MYO1H: variants seen among roughly 807,000 people sequenced by gnomAD.
MYO1H encodes the protein unconventional myosin-Ih.
In MYO1H, 118 loss-of-function variants were observed where a neutral mutation model predicts 149.3. The observed-to-expected ratio is 0.79, with a 90% CI of 0.68 to 0.92. The LOEUF is 0.92. MYO1H is among the 40% of genes least tolerant of loss of function. MYO1H has a pLI of 0.00. For synonymous variants in MYO1H, 447 were observed against 465.2 expected (o/e 0.96, Z 0.50); for missense variants, 1,212 against 1,280.7 (o/e 0.95, Z 0.82).
chr12:109,404,819 A>G (rs889402074), intron 7 of MYO1H, among the ~76,000 whole-genome samples: 16 of 151,014 alleles, frequency 1.1e-4, no homozygotes, highest in African/African-American at 3.6e-4. Flanking sequence ...TGTAGAATTT[A>G]TAAACAATTT....
intron 1 of MYO1H, among the ~76,000 whole-genome samples, chr12:109,381,959 A>G (rs541478235): frequency 6.6e-6 from 1 of 152,208 alleles, no homozygotes; most frequent in Non-Finnish European, 1.5e-5. Context: ...AAACTAGCAA[A>G]TCAAACATTT....
chr12:109,326,617 G>T, the MYO1H span, among the ~76,000 whole-genome samples: 1 of 151,820 alleles, frequency 6.6e-6, no homozygotes, highest in Admixed American at 6.6e-5. Flanking sequence ...CGCCTCCTGG[G>T]TTCAAGCAAT....
At chr12:109,327,038 A>T in the MYO1H span, among the ~76,000 whole-genome samples, 2 of 152,158 alleles carry the variant, frequency 1.3e-5, no homozygotes, top group Admixed American at 6.5e-5. Context: ...CTCATGGAGC[A>T]AGGAGGAGGA....
At chr12:109,373,721 G>GTA (rs1436027764) in intron 1 of MYO1H, among the ~76,000 whole-genome samples, 2 of 152,096 alleles carry the variant, frequency 1.3e-5, no homozygotes. Flanking sequence ...ACACAGAAGA[G>GTA]TATATATAAA....
At chr12:109,438,392 C>T in intron 22 of MYO1H, 144 bp from the exon 23 acceptor site, 1 of 684,136 alleles carries the variant, frequency 1.5e-6, no homozygotes, top group Non-Finnish European at 2.6e-6. Context: ...TGATGACATT[C>T]ATCCGACCTT....
chr12:109,441,787 C>A, intron 26 of MYO1H, 79 bp downstream of exon 26: 2 of 999,702 alleles, frequency 2.0e-6, no homozygotes, highest in Non-Finnish European at 1.5e-6. Flanking sequence ...TGGCTCATGC[C>A]CATAATCTCA....
intron 15 of MYO1H, among the ~76,000 whole-genome samples, chr12:109,416,107 T>C (rs1486212182): frequency 6.6e-6 from 1 of 152,042 alleles, no homozygotes; most frequent in Admixed American, 6.6e-5. Context: ...CACGACCAGC[T>C]AATTTTTTTG....
At chr12:109,345,729 C>G (rs1003179902), upstream of MYO1H, among the ~76,000 whole-genome samples, 1 of 152,050 alleles carries the variant, frequency 6.6e-6, no homozygotes, top group Non-Finnish European at 1.5e-5. Context: ...GATGGATAAA[C>G]AAAATGTGGT....
chr12:109,337,592 G>T, the MYO1H span, among the ~76,000 whole-genome samples: 5 of 152,262 alleles, frequency 3.3e-5, no homozygotes, highest in East Asian at 7.7e-4. Flanking sequence ...ATCAGATCTA[G>T]TGAGACTTAT....
At position 109,406,884 on chromosome 12, in the gene MYO1H, T is replaced by C. The variant is rs774270527; in HGVS notation, c.1035+24T>C. On this transcript the variant is annotated intron_variant, in intron 9 of 31. Transcript: ENST00000310903. ...AGGTAAAAATGGCTATAGGTGGAAA[T>C]GTGCCAGCCCTCCCTGCTGCTGCTG... 1.9e-6 allele frequency: 3 copies of C among 1,606,518 alleles called. No homozygotes were observed. The South Asian group carries it at 3.3e-5, about 18-fold the overall frequency.
At chr12:109,413,680 C>T (rs1057340265) in intron 14 of MYO1H, among the ~76,000 whole-genome samples, 2 of 152,124 alleles carry the variant, frequency 1.3e-5, no homozygotes, top group African/African-American at 2.4e-5. Context: ...GAGGCCGAGG[C>T]AGCTGGATCA....
At chr12:109,396,158 A>T (rs1869889522) in intron 3 of MYO1H, among the ~76,000 whole-genome samples, 2 of 151,960 alleles carry the variant, frequency 1.3e-5, no homozygotes, top group African/African-American at 4.8e-5. Flanking sequence ...CCTGACCTCA[A>T]GTGATCCACC....
At chr12:109,436,392 C>A in intron 21 of MYO1H, 96 bp from the exon 22 acceptor site, 1 of 798,302 alleles carries the variant, frequency 1.3e-6, no homozygotes, top group Non-Finnish European at 2.1e-6. Context: ...GACTTTGATG[C>A]CCCCTTCCAT....
intron 1 of MYO1H, among the ~76,000 whole-genome samples, chr12:109,373,868 TCC>T (rs1869038288): frequency 6.6e-6 from 1 of 152,114 alleles, no homozygotes; most frequent in African/African-American, 2.4e-5. Flanking sequence ...ATACCTGTAA[TCC>T]CAGCTACTCG....
chr12:109,387,142 G>A (rs985589862), intron 1 of MYO1H, among the ~76,000 whole-genome samples: 10 of 151,946 alleles, frequency 6.6e-5, no homozygotes, highest in African/African-American at 1.4e-4. Context: ...TGTTGCCCAG[G>A]CTGGTCTCCA....
At chr12:109,422,703 T>C (rs569548533) in intron 16 of MYO1H, among the ~76,000 whole-genome samples, 34 of 152,182 alleles carry the variant, frequency 2.2e-4, no homozygotes, top group Non-Finnish European at 4.3e-4. Flanking sequence ...GTTTCTGTAC[T>C]ATTGGCAGAT....
chr12:109,391,472 AGTCT>A (rs779658476), intron 2 of MYO1H, among the ~76,000 whole-genome samples: 1 of 152,126 alleles, frequency 6.6e-6, no homozygotes, highest in Non-Finnish European at 1.5e-5. Flanking sequence ...TTCTTCATTC[AGTCT>A]ATCATTGATG....
At chr12:109,393,577 G>A (rs879016741) in intron 3 of MYO1H, 131 bp downstream of exon 3, 159 of 232,460 alleles carry the variant, frequency 6.8e-4, no homozygotes, top group Middle Eastern at 3.2e-3. Flanking sequence ...CCATCCATCC[G>A]CCCACCCATC....
chr12:109,369,006 A>G (rs552923811), intron 1 of MYO1H, among the ~76,000 whole-genome samples: 1 of 150,638 alleles, frequency 6.6e-6, no homozygotes, highest in South Asian at 2.1e-4. Context: ...TTTTTTTTTG[A>G]GACTGAGTTT....
Sources: allele counts gnomAD v4.1 joint callset (sites outside exome capture counted in the v4.1 genomes callset), GRCh38; gene constraint gnomAD v4.1.1; transcripts MANE v1.5; gene names NCBI Gene and HGNC (gene_info 2026-07-23, HGNC 2026-07-21).